Variants in EVC2 observed in about 807,000 individuals in gnomAD.
EVC2 encodes the protein EvC ciliary complex subunit 2.
A neutral mutation model predicts 149.3 loss-of-function variants in EVC2; 148 were observed. The observed-to-expected ratio is 0.99, with a 90% CI of 0.87 to 1.14. The LOEUF is 1.14. Ranked by LOEUF, EVC2 falls within the 50% of genes most tolerant of loss-of-function variation. EVC2 has a pLI of 0.00. For missense variants in EVC2, 1,854 were observed against 1,627.3 expected (o/e 1.14, Z -2.40); for synonymous variants, 776 against 649.9 (o/e 1.19, Z -2.95).
chr4:5,531,964 C>A, the EVC2 span, among the ~76,000 whole-genome samples: 1 of 151,964 alleles, frequency 6.6e-6, no homozygotes, highest in Non-Finnish European at 1.5e-5. Context: ...ATACATAATA[C>A]AGTGTAAATG....
In EVC2 at chr4:5,615,485, C is replaced by T; in HGVS notation, c.2766G>A (p.Lys922=). ...GGTGAATTTTGTCTTCGATGCACTT[C>T]TTCAGAAGCTCTCCCTTGCTTTTAC... ...SKSKSKGELL[K]KCIEDKIHLC... Residue 922 remains lysine (K), a synonymous_variant, in exon 16 of 22, where the codon AAG becomes AAA. Transcript: ENST00000344408. 1.2e-6 allele frequency: 2 copies of T among 1,614,254 alleles called. No individual in the cohort carries two copies. The highest frequency in any genetic ancestry group is 1.1e-5 in the South Asian group (1 of 91,090).
At chr4:5,587,778 TG>T (rs1199985748) in intron 16 of EVC2, among the ~76,000 whole-genome samples, 1 of 152,084 alleles carries the variant, frequency 6.6e-6, no homozygotes, top group Non-Finnish European at 1.5e-5. Flanking sequence ...GGTACGTGAC[TG>T]GGGGCTGCAT....
At chr4:5,626,493 C>T (rs1716127199) in intron 12 of EVC2, among the ~76,000 whole-genome samples, 2 of 152,124 alleles carry the variant, frequency 1.3e-5, no homozygotes, top group African/African-American at 4.8e-5. Flanking sequence ...GCCACCACGC[C>T]AGCTAATTTT....
At chr4:5,660,552 A>G (rs1293599688) in intron 9 of EVC2, among the ~76,000 whole-genome samples, 1 of 152,166 alleles carries the variant, frequency 6.6e-6, no homozygotes, top group African/African-American at 2.4e-5. Flanking sequence ...TTTGCTTCCC[A>G]GATCTCCCAT....
intron 21 of EVC2, among the ~76,000 whole-genome samples, chr4:5,549,244 C>G (rs1459886394): frequency 1.3e-5 from 2 of 152,172 alleles, no homozygotes; most frequent in Non-Finnish European, 2.9e-5. Flanking sequence ...GGCACTTAAC[C>G]TGTACTGGGT....
In EVC2 at chr4:5,686,141, G is replaced by T. The variant is rs1489847684; in HGVS notation, c.707-662C>A. ...ACACACACACACAGAGTAAAGAAAA[G>T]AGGAGGAACGCTCACTTAGCCTAAG... is the stretch of plus-strand genomic sequence containing the variant. On this transcript the variant is annotated intron_variant, in intron 5 of 21. Transcript: ENST00000344408. This position sits in a 1 kb window ranked among gnomAD's most constrained non-coding sequence, Gnocchi z 5.4. Among the ~76,000 whole-genome samples the T allele has an allele frequency of 7.5e-6, 1 of 132,752 alleles. No homozygotes were observed. The highest frequency in any genetic ancestry group is 1.6e-5 in the Non-Finnish European group (1 of 62,672). The allele number at this position is 132,752 out of a possible 152,430, so 87.1% of individuals were successfully genotyped here.
At chr4:5,647,516 T>C (rs906161493) in intron 9 of EVC2, among the ~76,000 whole-genome samples, 1 of 152,222 alleles carries the variant, frequency 6.6e-6, no homozygotes, top group Non-Finnish European at 1.5e-5. Flanking sequence ...CATGTGTCTA[T>C]GCAACGAGCG....
chr4:5,585,974 G>A (rs1275573813), intron 16 of EVC2, among the ~76,000 whole-genome samples: 1 of 152,114 alleles, frequency 6.6e-6, no homozygotes, highest in South Asian at 2.1e-4. Context: ...TGATTTTCCT[G>A]CCTCAGCCTT....
chr4:5,571,324 A>G (rs559605363), intron 19 of EVC2, among the ~76,000 whole-genome samples: 25 of 150,750 alleles, frequency 1.7e-4, no homozygotes, highest in African/African-American at 6.1e-4. Context: ...TCTCAAAAAA[A>G]AAAAAAAAAA....
chr4:5,681,481 G>A lies in EVC2; in HGVS notation c.817-168C>T, dbSNP rs80339770. On this transcript the variant is annotated intron_variant, in intron 6 of 21. Transcript: ENST00000344408. Reference sequence around the variant, plus strand: ...CACCATCAGGAGGAAGGGGCTTTGGGGATAGGATCCCTCCCTCTCTACTGG... The same window carrying A: ...CACCATCAGGAGGAAGGGGCTTTGGAGATAGGATCCCTCCCTCTCTACTGG... Among the ~76,000 whole-genome samples the A allele has an allele frequency of 9.8e-3, 1,495 of 152,270 alleles. 99 individuals are homozygous for A. The East Asian group carries it at 0.19, about 20-fold the overall frequency.
chr4:5,602,294 A>T (rs1227057525), intron 16 of EVC2, among the ~76,000 whole-genome samples: 2 of 143,144 alleles, frequency 1.4e-5, no homozygotes, highest in Non-Finnish European at 3.0e-5. Context: ...TGCCTCTTAA[A>T]AAAAAAAAAA....
the EVC2 span, among the ~76,000 whole-genome samples, chr4:5,537,393 T>C: frequency 6.6e-6 from 1 of 152,122 alleles, no homozygotes; most frequent in Non-Finnish European, 1.5e-5. Context: ...GGAAACAATA[T>C]TCAGTGCTCA....
rs201719317 is a variant in EVC2, at chr4:5,649,296, C to T, written c.1146-8458G>A. On this transcript the variant is annotated intron_variant, in intron 9 of 21. Transcript: ENST00000344408. ...TGGCCAGTTTTGCTACATATGCAAACTGTACAAGTGATATTCCTCTTGGAA... is the reference window on the plus strand; with the variant it reads ...TGGCCAGTTTTGCTACATATGCAAATTGTACAAGTGATATTCCTCTTGGAA... 9.2e-5 allele frequency among the ~76,000 whole-genome samples: 14 copies of T among 152,316 alleles called. No individual in the cohort carries two copies. The East Asian group carries it at 2.7e-3, about 29-fold the overall frequency.
At position 5,610,496 on chromosome 4, in the gene EVC2, T is replaced by C. The variant is rs892252546; in HGVS notation, c.2829+4926A>G. ...GTTCTTCCTCCAGTGCTGGAGCAGA[T>C]GGCTGTGTCTTCAGCCCAGGACCAG... is the stretch of plus-strand genomic sequence containing the variant. On this transcript the variant is annotated intron_variant, in intron 16 of 21. Coordinates refer to ENST00000344408, the MANE Select transcript of EVC2 (RefSeq NM_147127.5). 2.6e-5 allele frequency among the ~76,000 whole-genome samples: 4 copies of C among 152,340 alleles called. No homozygotes were observed. In the South Asian group the frequency reaches 6.2e-4, roughly 24 times the overall value.
At chr4:5,647,185 C>G (rs1335698886) in intron 9 of EVC2, among the ~76,000 whole-genome samples, 1 of 152,146 alleles carries the variant, frequency 6.6e-6, no homozygotes, top group Non-Finnish European at 1.5e-5. Flanking sequence ...GGGAATAATG[C>G]TGTCCTCACA....
At chr4:5,688,689 C>G (rs1041669492) in intron 5 of EVC2, among the ~76,000 whole-genome samples, 1 of 152,234 alleles carries the variant, frequency 6.6e-6, no homozygotes, top group African/African-American at 2.4e-5. Context: ...GCTTGAACAC[C>G]TGAACACACC....
chr4:5,595,946 C>A (rs13122466), intron 16 of EVC2, among the ~76,000 whole-genome samples: 49,688 of 151,966 alleles, frequency 0.33, 9,180 homozygotes, highest in South Asian at 0.45. Context: ...AGAATTTAAA[C>A]CAACAAAGAT....
intron 16 of EVC2, among the ~76,000 whole-genome samples, chr4:5,597,650 A>G (rs1292461272): frequency 6.7e-6 from 1 of 149,224 alleles, no homozygotes; most frequent in African/African-American, 2.4e-5. Context: ...CCCTTTGAAA[A>G]CTGGCACAAG....
At position 5,679,954 on chromosome 4, in the gene EVC2, T is replaced by A. The variant is rs1235335451; in HGVS notation, c.870+1306A>T. Among the ~76,000 whole-genome samples the A allele has an allele frequency of 6.6e-6, 1 of 152,218 alleles. No individual in the cohort carries two copies. Among genetic ancestry groups the A allele is most frequent in the East Asian group, 1.9e-4 (1 of 5,194 alleles). The stretch of plus-strand genomic sequence containing the variant: ...CTGTAAGCTTTCTATATTTTTAAGG[T>A]ATTTTTTTAAAACACTTCTTAAACT... On this transcript the variant is annotated intron_variant, in intron 7 of 21. Coordinates refer to ENST00000344408, the MANE Select transcript of EVC2 (RefSeq NM_147127.5). This position sits in a 1 kb window ranked among gnomAD's most constrained non-coding sequence, Gnocchi z 5.1.
Sources: allele counts gnomAD v4.1 joint callset (sites outside exome capture counted in the v4.1 genomes callset), GRCh38; gene constraint gnomAD v4.1.1; non-coding constraint Gnocchi (gnomAD v3.1); transcripts MANE v1.5; gene names NCBI Gene and HGNC (gene_info 2026-07-23, HGNC 2026-07-21).